CDK17: variants seen among roughly 807,000 people sequenced by gnomAD.
The protein encoded by CDK17 is cyclin-dependent kinase 17.
A neutral mutation model predicts 77.6 loss-of-function variants in CDK17; 24 were observed. That is an observed-to-expected ratio of 0.31 (90% CI 0.22 to 0.44). The LOEUF is 0.44. Among genes scored for constraint, CDK17 ranks in the 20% least tolerant of loss-of-function variants. CDK17 has a pLI of 1.00. For synonymous variants in CDK17, 203 were observed against 210.4 expected (o/e 0.96, Z 0.30); for missense variants, 429 against 622.5 (o/e 0.69, Z 3.31).
intron 1 of CDK17, among the ~76,000 whole-genome samples, chr12:96,368,004 A>G (rs1019958838): frequency 3.9e-5 from 6 of 152,162 alleles, no homozygotes; most frequent in African/African-American, 1.4e-4. Context: ...GAAATGTCAC[A>G]CTGCAGTATG....
intron 11 of CDK17, among the ~76,000 whole-genome samples, chr12:96,288,476 G>A (rs1952275128): frequency 6.6e-6 from 1 of 152,154 alleles, no homozygotes; most frequent in Non-Finnish European, 1.5e-5. Flanking sequence ...AAGAGCAAAG[G>A]TAGGAAAGTC....
chr12:96,304,977 C>T (rs1952559149), intron 5 of CDK17, among the ~76,000 whole-genome samples: 1 of 152,134 alleles, frequency 6.6e-6, no homozygotes, highest in Admixed American at 6.6e-5. Flanking sequence ...AATGTATAAA[C>T]CTATAATTTG....
Position 96,293,141 on chromosome 12 carries a change from A to G in CDK17, c.997+1858T>C, listed in dbSNP as rs1053779831. 7.9e-5 allele frequency among the ~76,000 whole-genome samples: 12 copies of G among 152,140 alleles called. No homozygotes were observed. In the East Asian group the frequency reaches 2.3e-3, roughly 29 times the overall value. ...CATGTATGACATTTTTATGAAAAAC[A>G]TTTTTTTTATAAAAACAAAACAGTA... is the stretch of plus-strand genomic sequence containing the variant. On this transcript the variant is annotated intron_variant, in intron 10 of 16. Transcript: ENST00000261211.
intron 11 of CDK17, among the ~76,000 whole-genome samples, chr12:96,287,364 C>T (rs1270143848): frequency 6.6e-6 from 1 of 152,066 alleles, no homozygotes; most frequent in East Asian, 1.9e-4. Flanking sequence ...ACTGTATGTA[C>T]ACACACAGTT....
At chr12:96,380,447 C>T (rs1319321987) in intron 1 of CDK17, among the ~76,000 whole-genome samples, 1 of 151,790 alleles carries the variant, frequency 6.6e-6, no homozygotes, top group African/African-American at 2.4e-5. Flanking sequence ...CACCACCACG[C>T]CCGGCTAATT....
intron 5 of CDK17, chr12:96,303,492 G>C (rs1486567798): frequency 6.6e-6 from 1 of 152,074 alleles, no homozygotes; most frequent in Non-Finnish European, 1.5e-5. Flanking sequence ...CCTCGGGTAT[G>C]ATACTATCAC....
chr12:96,382,718 T>A (rs1953904307), intron 1 of CDK17, among the ~76,000 whole-genome samples: 1 of 152,094 alleles, frequency 6.6e-6, no homozygotes, highest in Non-Finnish European at 1.5e-5. Context: ...ATGAAAACAA[T>A]AAATGTGATT....
At chr12:96,338,855 G>C (rs1242938702) in intron 1 of CDK17, among the ~76,000 whole-genome samples, 1 of 151,130 alleles carries the variant, frequency 6.6e-6, no homozygotes, top group Non-Finnish European at 1.5e-5. Context: ...TGCAGTTTCA[G>C]TGGTATTTAT....
At chr12:96,392,835 C>T (rs968611824) in intron 1 of CDK17, among the ~76,000 whole-genome samples, 2 of 152,106 alleles carry the variant, frequency 1.3e-5, no homozygotes, top group Non-Finnish European at 2.9e-5. Context: ...GACCAGATTG[C>T]CAGGAACACA....
intron 11 of CDK17, among the ~76,000 whole-genome samples, chr12:96,287,892 T>C (rs1306938384): frequency 1.3e-5 from 2 of 152,186 alleles, no homozygotes; most frequent in Non-Finnish European, 2.9e-5. Context: ...AAAGACATTA[T>C]GCCAAATGAA....
intron 10 of CDK17, among the ~76,000 whole-genome samples, chr12:96,293,889 A>AC (rs1206573716): frequency 6.6e-5 from 10 of 152,216 alleles, no homozygotes; most frequent in Non-Finnish European, 1.5e-4. Flanking sequence ...TCCAAACTCT[A>AC]ATTTTTGCTT....
At chr12:96,306,215 C>G (rs533919845) in intron 5 of CDK17, among the ~76,000 whole-genome samples, 1 of 152,182 alleles carries the variant, frequency 6.6e-6, no homozygotes, top group Non-Finnish European at 1.5e-5. Context: ...TTTCTTAATT[C>G]CTACTCAAGC....
chr12:96,284,133 G>A (rs1952213780), intron 13 of CDK17, among the ~76,000 whole-genome samples: 1 of 152,148 alleles, frequency 6.6e-6, no homozygotes, highest in Non-Finnish European at 1.5e-5. Flanking sequence ...GGTACTAGAA[G>A]GTATTGAGTT....
intron 10 of CDK17, 75 bp from the exon 11 acceptor site, chr12:96,289,362 T>TC (rs369077767): frequency 6.5e-7 from 1 of 1,534,552 alleles, no homozygotes; most frequent in Non-Finnish European, 9.0e-7. Flanking sequence ...TCACCATGAC[T>TC]CCATTCAAAG....
intron 2 of CDK17, among the ~76,000 whole-genome samples, chr12:96,328,600 C>T (rs1952923311): frequency 6.6e-6 from 1 of 152,024 alleles, no homozygotes; most frequent in South Asian, 2.1e-4. Flanking sequence ...GGGGACAATG[C>T]CTAGATTTTT....
At chr12:96,364,991 T>C (rs1056457871) in intron 1 of CDK17, among the ~76,000 whole-genome samples, 1 of 152,230 alleles carries the variant, frequency 6.6e-6, no homozygotes, top group African/African-American at 2.4e-5. Flanking sequence ...GTTTTGTCTG[T>C]TTATATATAT....
intron 1 of CDK17, chr12:96,335,333 T>A (rs1023093861): frequency 2.5e-5 from 6 of 239,450 alleles, no homozygotes; most frequent in African/African-American, 1.4e-4. Flanking sequence ...CAACAAGAAA[T>A]TTTCCTTTTT....
rs1179511875 is a variant in CDK17, at chr12:96,400,321, G to GC, written c.-366dup. The stretch of plus-strand genomic sequence containing the variant: ...GCCGACGGCGGGCTGAGACTGTCTG[G>GC]CCGGGCGCTGGCTCCTTCTCCGCGG... On this transcript the variant is annotated 5_prime_UTR_variant, in exon 1 of 17. Transcript: ENST00000261211. 7.7e-6 allele frequency: 3 copies of GC among 388,462 alleles called. No individual in the cohort carries two copies. Among genetic ancestry groups the GC allele is most frequent in the Non-Finnish European group, 1.4e-5 (3 of 219,612 alleles). 24.1% of individuals were successfully genotyped at this position (388,462 alleles called of 1,614,324 possible).
chr12:96,293,080 T>A (rs1481283959), intron 10 of CDK17, among the ~76,000 whole-genome samples: 3 of 152,246 alleles, frequency 2.0e-5, no homozygotes, highest in Non-Finnish European at 4.4e-5. Context: ...TTTAAAATAT[T>A]ATTTTCTCTT....
Sources: gnomAD v4.1 joint callset for allele counts (sites outside exome capture counted in the v4.1 genomes callset) on GRCh38, gnomAD v4.1.1 for gene constraint, MANE v1.5 for transcripts, NCBI Gene and HGNC (gene_info 2026-07-23, HGNC 2026-07-21) for gene names.